The following DIS3L2 variants were observed in gnomAD, a reference collection of about 807,000 sequenced individuals.
DIS3L2 encodes DIS3 like 3'-5' exoribonuclease 2.
Under a neutral mutation model 97.5 loss-of-function variants are expected in DIS3L2, and 34 were observed. That is an observed-to-expected ratio of 0.35 (90% CI 0.27 to 0.46). The LOEUF (loss-of-function observed/expected upper bound fraction) is 0.46, where lower values mean the gene tolerates loss of function less well. DIS3L2 is among the 20% of genes least tolerant of loss of function. The probability of loss-of-function intolerance (pLI) is 1.00; values close to 1 mark genes in which losing one functional copy is unlikely to be tolerated. For missense variants in DIS3L2, 1,038 were observed against 1,146.0 expected (o/e 0.91, Z 1.36); for synonymous variants, 435 against 445.2 (o/e 0.98, Z 0.29).
At chr2:232,098,611 C>T (rs998330775) in intron 6 of DIS3L2, among the ~76,000 whole-genome samples, 2 of 152,184 alleles carry the variant, frequency 1.3e-5, no homozygotes, top group Non-Finnish European at 2.9e-5. Flanking sequence ...GCCTTGGCCT[C>T]CCAAAGTGCT....
At chr2:232,322,000 C>T (rs921980934) in intron 14 of DIS3L2, among the ~76,000 whole-genome samples, 2 of 152,180 alleles carry the variant, frequency 1.3e-5, no homozygotes, top group African/African-American at 4.8e-5. Context: ...GATGGGTGAC[C>T]CTGGGCTCTG....
chr2:232,065,589 T>A (rs973959685), intron 5 of DIS3L2, among the ~76,000 whole-genome samples: 2 of 141,864 alleles, frequency 1.4e-5, no homozygotes, highest in African/African-American at 6.2e-5. Context: ...CTTCCTTAAT[T>A]ACTGTAGCTT....
chr2:232,340,947 T>C (rs182469098), downstream of DIS3L2: 1,220 of 470,308 alleles, frequency 2.6e-3, 1 homozygote, highest in Non-Finnish European at 4.0e-3. Context: ...AAGAAAGCTG[T>C]AGAAAAAGAA....
chr2:232,136,820 T>C lies in DIS3L2; in HGVS notation c.950+101T>C, dbSNP rs1005547326. Reference sequence around the variant, plus strand: ...GTGTATTTTAATTATTATTTCTTTATTGAAGCACGGTTTCTGGTGTATTTT... The same window carrying C: ...GTGTATTTTAATTATTATTTCTTTACTGAAGCACGGTTTCTGGTGTATTTT... On this transcript the variant is annotated intron_variant, in intron 8 of 20. Transcript: ENST00000325385. 50 of 1,431,240 alleles carry C rather than the reference T, an allele frequency of 3.5e-5. No homozygotes were observed. The Admixed American group carries it at 1.1e-3, about 31-fold the overall frequency. The allele number at this position is 1,431,240 out of a possible 1,614,324, so 88.7% of individuals were successfully genotyped here.
chr2:232,315,057 A>T (rs865987930), intron 14 of DIS3L2, among the ~76,000 whole-genome samples: 2 of 152,176 alleles, frequency 1.3e-5, no homozygotes, highest in African/African-American at 4.8e-5. Flanking sequence ...TTTTAAGCAG[A>T]TAGTACTGCC....
chr2:232,101,283 G>A (rs1697198935), intron 6 of DIS3L2, among the ~76,000 whole-genome samples: 1 of 150,442 alleles, frequency 6.6e-6, no homozygotes, highest in South Asian at 2.1e-4. Context: ...TGATGTATTT[G>A]TATTTCTTAC....
chr2:232,175,660 C>G lies in DIS3L2; in HGVS notation c.1124+12028C>G, dbSNP rs184515140. Among the ~76,000 whole-genome samples the G allele has an allele frequency of 7.2e-5, 11 of 151,808 alleles. No individual in the cohort carries two copies. In the East Asian group the frequency reaches 2.1e-3, roughly 29 times the overall value. ...TTGCATGTCTCTATAGTTTGGTGTA[C>G]AAATGATTTTGTCACCCAGGTAGTG... On this transcript the variant is annotated intron_variant, in intron 9 of 20. Transcript: ENST00000325385.
At chr2:231,971,915 G>A (rs756085710) in intron 1 of DIS3L2, among the ~76,000 whole-genome samples, 1 of 150,244 alleles carries the variant, frequency 6.7e-6, no homozygotes, top group Admixed American at 6.6e-5. Flanking sequence ...GGCCAGGCAC[G>A]GTGGCTCACG....
Position 232,300,025 on chromosome 2 carries a change from TCTC to T in DIS3L2, c.1660-14_1660-12del. ...TGCTGCCTAAAACTTCTTTTTCTCTTCTCTCTCTCTTCAGCTAAAGCTTGCTTT... is the reference window on the plus strand; with the variant it reads ...TGCTGCCTAAAACTTCTTTTTCTCTTTCTCTCTTCAGCTAAAGCTTGCTTT... On this transcript the variant is annotated splice_polypyrimidine_tract_variant and intron_variant, in intron 13 of 20. Coordinates refer to ENST00000325385, the MANE Select transcript of DIS3L2 (RefSeq NM_152383.5). 4 of 1,604,316 alleles carry T rather than the reference TCTC, an allele frequency of 2.5e-6. No individual in the cohort carries two copies. Among genetic ancestry groups the T allele is most frequent in the Non-Finnish European group, 3.4e-6 (4 of 1,172,428 alleles).
chr2:232,106,377 A>C (rs184627326), intron 6 of DIS3L2, among the ~76,000 whole-genome samples: 1 of 152,310 alleles, frequency 6.6e-6, no homozygotes, highest in East Asian at 1.9e-4. Context: ...AAGATTTACC[A>C]AGCAAATGGA....
At chr2:232,233,342 C>T (rs890375207) in intron 10 of DIS3L2, among the ~76,000 whole-genome samples, 2 of 152,272 alleles carry the variant, frequency 1.3e-5, no homozygotes, top group African/African-American at 2.4e-5. Context: ...CTTCTCATTG[C>T]GTCCTTACAT....
intron 2 of DIS3L2, 42 bp from the exon 3 acceptor site, chr2:232,015,472 A>G (rs1694326410): frequency 1.3e-6 from 2 of 1,596,862 alleles, no homozygotes; most frequent in South Asian, 1.1e-5. Context: ...AAAAATACAC[A>G]GATGTTTGAG....
chr2:231,964,771 T>G (rs2106210766), intron 1 of DIS3L2, among the ~76,000 whole-genome samples: 2 of 152,304 alleles, frequency 1.3e-5, no homozygotes, highest in South Asian at 4.1e-4. Context: ...AGTGCACACA[T>G]GAAATTATTA....
At chr2:232,001,935 G>A (rs188975575) in intron 1 of DIS3L2, among the ~76,000 whole-genome samples, 449 of 151,946 alleles carry the variant, frequency 3.0e-3, no homozygotes, top group African/African-American at 9.9e-3. Context: ...TGGTCAGGCT[G>A]GTCTGGAACT....
At chr2:232,256,829 A>C (rs1693576475) in intron 12 of DIS3L2, among the ~76,000 whole-genome samples, 1 of 152,018 alleles carries the variant, frequency 6.6e-6, no homozygotes, top group South Asian at 2.1e-4. Flanking sequence ...TAAATAAATA[A>C]ATATTTGGCT....
intron 3 of DIS3L2, among the ~76,000 whole-genome samples, chr2:232,024,017 C>G (rs1282640540): frequency 6.6e-6 from 1 of 152,168 alleles, no homozygotes; most frequent in African/African-American, 2.4e-5. Context: ...CTTTCCCACT[C>G]TACGCCAAGC....
intron 9 of DIS3L2, among the ~76,000 whole-genome samples, chr2:232,167,553 T>G (rs1690861005): frequency 6.6e-6 from 1 of 152,262 alleles, no homozygotes; most frequent in Non-Finnish European, 1.5e-5. Context: ...TTAGAAGATG[T>G]GAGCTGTGCT....
At position 232,329,988 on chromosome 2, in the gene DIS3L2, G is replaced by C. The variant is rs762363254; in HGVS notation, c.1915G>C (p.Ala639Pro). ...GLPVDFSSAG[A>P]LNKSLTQTFG... Reference sequence around the variant, plus strand: ...GCCCGTGGACTTCAGCTCCGCAGGAGCCCTCAATGTGAGTGGTGGGCAGGA... The same window carrying C: ...GCCCGTGGACTTCAGCTCCGCAGGACCCCTCAATGTGAGTGGTGGGCAGGA... The change falls in exon 15 of 21, where the codon GCC becomes CCC. Residue 639 changes from alanine to proline, a missense_variant. This residue lies in a region of DIS3L2 where 813 missense variants were observed against 880.1 expected (regional missense o/e 0.92). Transcript: ENST00000325385. 2 of 1,609,050 alleles carry C rather than the reference G, an allele frequency of 1.2e-6. No individual in the cohort carries two copies. Among genetic ancestry groups the C allele is most frequent in the Non-Finnish European group, 8.5e-7 (1 of 1,177,294 alleles).
At chr2:232,285,214 TA>T (rs749435249) in intron 13 of DIS3L2, among the ~76,000 whole-genome samples, 1 of 152,196 alleles carries the variant, frequency 6.6e-6, no homozygotes, top group Non-Finnish European at 1.5e-5. Context: ...GTTCAGGTCT[TA>T]TTACTACTTA....
Sources: allele counts gnomAD v4.1 joint callset (sites outside exome capture counted in the v4.1 genomes callset), GRCh38; gene constraint gnomAD v4.1.1; regional missense constraint gnomAD v4.1.1; transcripts MANE v1.5; gene names NCBI Gene and HGNC (gene_info 2026-07-23, HGNC 2026-07-21).